CMC2: variants seen among roughly 807,000 people sequenced by gnomAD.
The protein encoded by CMC2 is COX assembly mitochondrial protein 2 homolog.
A neutral mutation model predicts 7.5 loss-of-function variants in CMC2; 5 were observed. That is an observed-to-expected ratio of 0.66 (90% confidence interval 0.35 to 1.40). CMC2 has a LOEUF of 1.40. Among genes scored for constraint, CMC2 ranks in the 40% most tolerant of loss-of-function variants. The probability of loss-of-function intolerance (pLI) is 0.04; values close to 1 mark genes in which losing one functional copy is unlikely to be tolerated. For missense variants in CMC2, 115 were observed against 92.3 expected, an observed-to-expected ratio of 1.25 and a Z score of -1.01; for synonymous variants, 37 against 31.4, an observed-to-expected ratio of 1.18 and a Z score of -0.60.
rs2151600686 is a variant in CMC2 at position 80,968,194 on chromosome 16, TTAG to T, written c.*7896_*7898del. The T allele has an allele frequency of 6.6e-6, 1 of 152,196 alleles. No homozygotes were observed. Among genetic ancestry groups the T allele is most frequent in the Admixed American group, 6.5e-5 (1 of 15,274 alleles). The allele number at this position is 152,196 out of a possible 1,614,324, so 9.4% of individuals were successfully genotyped here. ...ATTTCATTAAAATGCAGATTCTCAG[TTAG>T]TAGGTCAGGGTGGGGTCTAAAACTC... On this transcript the variant is annotated 3_prime_UTR_variant, in exon 4 of 4. Transcript: ENST00000219400.
rs1567509879 is a variant in CMC2, at chr16:80,981,792, GAC to G, written c.153+12_153+13del. 1.9e-6 allele frequency: 3 copies of G among 1,558,876 alleles called. No homozygotes were observed. The highest frequency in any genetic ancestry group is 1.7e-5 in the Admixed American group (1 of 58,926). ...TATTGTTCAACCATATCCATCCTTTGACACTTTTCTTACCTCATTCTTCAGGC... is the reference window on the plus strand; with the variant it reads ...TATTGTTCAACCATATCCATCCTTTGACTTTTCTTACCTCATTCTTCAGGC... On this transcript the variant is annotated intron_variant, in intron 3 of 3. Coordinates refer to ENST00000219400, the MANE Select transcript of CMC2 (RefSeq NM_020188.5).
intron 2 of CMC2, among the ~76,000 whole-genome samples, chr16:80,986,366 A>G (rs1180539737): frequency 6.6e-6 from 1 of 152,040 alleles, no homozygotes; most frequent in East Asian, 1.9e-4. Context: ...AACTAAATAA[A>G]TAAATAAAAT....
chr16:80,989,107 A>G (rs1396815878), intron 2 of CMC2, among the ~76,000 whole-genome samples: 2 of 152,146 alleles, frequency 1.3e-5, no homozygotes, highest in Non-Finnish European at 2.9e-5. Context: ...CTACCTGCCA[A>G]GTTTCTACAC....
At chr16:80,988,293 C>T (rs1365659176) in intron 2 of CMC2, among the ~76,000 whole-genome samples, 1 of 152,120 alleles carries the variant, frequency 6.6e-6, no homozygotes, top group Non-Finnish European at 1.5e-5. Context: ...GGTCTCACTC[C>T]GTTGCCCAGG....
At chr16:80,977,153 G>A (rs554337110) in intron 3 of CMC2, among the ~76,000 whole-genome samples, 4 of 151,968 alleles carry the variant, frequency 2.6e-5, no homozygotes, top group Admixed American at 6.6e-5. Context: ...TCTTCATCAC[G>A]AACAGTTAAC....
At chr16:80,979,964 C>T (rs1475331844) in intron 3 of CMC2, among the ~76,000 whole-genome samples, 3 of 152,070 alleles carry the variant, frequency 2.0e-5, no homozygotes, top group Admixed American at 6.6e-5. Context: ...GTCACCCAGA[C>T]TGAAGCACTG....
chr16:80,981,216 G>T (rs1036682179), intron 3 of CMC2, among the ~76,000 whole-genome samples: 1 of 152,064 alleles, frequency 6.6e-6, no homozygotes, highest in Non-Finnish European at 1.5e-5. Context: ...CTTTTCAAAG[G>T]TTTAAAATGC....
chr16:80,981,259 C>T (rs1027697404), intron 3 of CMC2, among the ~76,000 whole-genome samples: 1 of 152,150 alleles, frequency 6.6e-6, no homozygotes, highest in African/African-American at 2.4e-5. Flanking sequence ...TGGAAAAAGA[C>T]AATGAACTGT....
chr16:81,002,221 T>C (rs1443425958), intron 1 of CMC2, among the ~76,000 whole-genome samples: 1 of 152,062 alleles, frequency 6.6e-6, no homozygotes, highest in African/African-American at 2.4e-5. Context: ...AGTCAAGAGT[T>C]CAAGACCAAC....
In CMC2 at chr16:80,967,695, C is replaced by T. The variant is rs918570635; in HGVS notation, c.*8398G>A. ...CCAATCATTAGCTCAATAATCCAAT[C>T]ATAGCATTTTAGGAAATATGGATGC... On this transcript the variant is annotated 3_prime_UTR_variant, in exon 4 of 4. Transcript: ENST00000219400. 2.6e-5 allele frequency: 4 copies of T among 152,198 alleles called. No homozygotes were observed. Among genetic ancestry groups the T allele is most frequent in the African/African-American group, 9.7e-5 (4 of 41,450 alleles). The allele number at this position is 152,198 out of a possible 1,614,324, so 9.4% of individuals were successfully genotyped here.
intron 2 of CMC2, among the ~76,000 whole-genome samples, chr16:80,988,979 C>T (rs917801923): frequency 1.3e-5 from 2 of 152,122 alleles, no homozygotes; most frequent in African/African-American, 2.4e-5. Context: ...CGATTCAGGT[C>T]GTGACTTTTT....
intron 1 of CMC2, among the ~76,000 whole-genome samples, chr16:81,002,482 A>G (rs1416298875): frequency 2.0e-5 from 3 of 152,140 alleles, no homozygotes; most frequent in Admixed American, 6.6e-5. Context: ...TGTCTCTAAC[A>G]TTTTCTAAAT....
intron 3 of CMC2, among the ~76,000 whole-genome samples, chr16:80,979,797 A>C (rs1034218294): frequency 2.0e-4 from 29 of 148,506 alleles, no homozygotes; most frequent in African/African-American, 5.7e-4. Context: ...ATTTTTTTGT[A>C]CTTTCAGTAG....
rs1484017188 is a variant in CMC2, at chr16:80,976,076, T to C, written c.*17A>G. Reference sequence around the variant, plus strand: ...TTTAGGTCTTCTCTCAGCCAAGGCATCGAGTGAAAATACAATTTATTTTTC... The same window carrying C: ...TTTAGGTCTTCTCTCAGCCAAGGCACCGAGTGAAAATACAATTTATTTTTC... On this transcript the variant is annotated 3_prime_UTR_variant, in exon 4 of 4. Coordinates refer to ENST00000219400, the MANE Select transcript of CMC2 (RefSeq NM_020188.5). 6 of 1,460,264 alleles carry C rather than the reference T, an allele frequency of 4.1e-6. No individual in the cohort carries two copies. Among genetic ancestry groups the C allele is most frequent in the Non-Finnish European group, 5.8e-6 (6 of 1,040,870 alleles). The allele number at this position is 1,460,264 out of a possible 1,614,324, so 90.5% of individuals were successfully genotyped here.
intron 1 of CMC2, among the ~76,000 whole-genome samples, chr16:80,999,802 G>A (rs747710394): frequency 6.6e-6 from 1 of 152,132 alleles, no homozygotes; most frequent in Admixed American, 6.5e-5. Context: ...AATGGCAAAA[G>A]GACTTCCCAT....
intron 2 of CMC2, among the ~76,000 whole-genome samples, chr16:80,986,242 C>G (rs887664496): frequency 3.9e-5 from 6 of 152,180 alleles, no homozygotes; most frequent in African/African-American, 1.4e-4. Flanking sequence ...CCCAGCTACT[C>G]GTGAGGCTGA....
chr16:81,002,546 C>A (rs972738389), intron 1 of CMC2, among the ~76,000 whole-genome samples: 1 of 152,148 alleles, frequency 6.6e-6, no homozygotes, highest in East Asian at 1.9e-4. Context: ...CAAATGTGTG[C>A]CTTTACAATT....
rs1040417105 is a variant in CMC2, at chr16:81,006,702, C to G, written c.-36+32G>C. Reference sequence around the variant, plus strand: ...GGACCTGAGGAGGAACAACGGAACGCGTTCGGAACGGCCTGGACTCCCGAG... The same window carrying G: ...GGACCTGAGGAGGAACAACGGAACGGGTTCGGAACGGCCTGGACTCCCGAG... On this transcript the variant is annotated intron_variant, in intron 1 of 3. Transcript: ENST00000219400. 14 of 985,236 alleles carry G rather than the reference C, an allele frequency of 1.4e-5. No individual in the cohort carries two copies. In the African/African-American group the frequency reaches 2.3e-4, roughly 16 times the overall value. The allele number at this position is 985,236 out of a possible 1,614,324, so 61.0% of individuals were successfully genotyped here.
intron 1 of CMC2, among the ~76,000 whole-genome samples, chr16:81,000,163 G>T (rs933249787): frequency 3.9e-5 from 6 of 152,126 alleles, no homozygotes; most frequent in Admixed American, 2.6e-4. Flanking sequence ...AATCTATAAA[G>T]AAATTAATTC....
Sources: allele counts gnomAD v4.1 joint callset (sites outside exome capture counted in the v4.1 genomes callset), GRCh38; gene constraint gnomAD v4.1.1; transcripts MANE v1.5; gene names NCBI Gene and HGNC (gene_info 2026-07-23, HGNC 2026-07-21).